The following KIF14 variants were observed in gnomAD, a reference collection of about 807,000 sequenced individuals.
KIF14 encodes kinesin-like protein KIF14.
A neutral mutation model predicts 176.2 loss-of-function variants in KIF14; 98 were observed. The observed-to-expected ratio is 0.56, with a 90% CI of 0.47 to 0.66. The LOEUF (loss-of-function observed/expected upper bound fraction) is 0.66. KIF14 is among the 30% of genes least tolerant of loss of function. The probability of loss-of-function intolerance (pLI) is 0.00; values close to 1 mark genes in which losing one functional copy is unlikely to be tolerated. For synonymous variants in KIF14, 566 were observed against 632.2 expected (o/e 0.90, Z 1.57); for missense variants, 1,751 against 1,920.4 (o/e 0.91, Z 1.65).
At chr1:200,564,091 A>T (rs1379392787) in intron 25 of KIF14, among the ~76,000 whole-genome samples, 1 of 151,820 alleles carries the variant, frequency 6.6e-6, no homozygotes, top group Non-Finnish European at 1.5e-5. Flanking sequence ...GTGAAACCCC[A>T]TCTCTACTAA....
rs755509747 is a variant in KIF14 at position 200,617,818 on chromosome 1, TG to T, written c.905del (p.Ser302Ter). The T allele has an allele frequency of 4.3e-6, 7 of 1,614,200 alleles. No homozygotes were observed. Among genetic ancestry groups the T allele is most frequent in the Non-Finnish European group, 5.9e-6 (7 of 1,180,010 alleles). On this transcript the variant is annotated frameshift_variant, in exon 2 of 30. Coordinates refer to ENST00000367350, the MANE Select transcript of KIF14 (RefSeq NM_014875.3). LOFTEE classifies it high-confidence loss of function. The part of the protein sequence containing the change: ...SLPQLKSPAP[S>X]ILKNRMSNLQ... ...GGTTAGACATTCTATTCTTCAGTAT[TG>T]ATGGAGCTGGGCTCTTAAGCTGAGG... is the stretch of plus-strand genomic sequence containing the variant.
chr1:200,605,697 A>C (rs941041605), intron 7 of KIF14, among the ~76,000 whole-genome samples, 167 bp downstream of exon 7: 1 of 152,196 alleles, frequency 6.6e-6, no homozygotes, highest in East Asian at 1.9e-4. Context: ...CAACATTTTT[A>C]ATAAAGAAGA....
intron 4 of KIF14, among the ~76,000 whole-genome samples, chr1:200,610,316 C>A (rs186269216): frequency 6.6e-6 from 1 of 151,928 alleles, no homozygotes; most frequent in Admixed American, 6.6e-5. Flanking sequence ...CTGGCTAACA[C>A]GGTGAAACTA....
At position 200,617,853 on chromosome 1, in the gene KIF14, A is replaced by G. The variant is rs1050980109; in HGVS notation, c.871T>C (p.Cys291Arg). 2 of 1,614,068 alleles carry G rather than the reference A, an allele frequency of 1.2e-6. No individual in the cohort carries two copies. Among genetic ancestry groups the G allele is most frequent in the East Asian group, 4.5e-5 (2 of 44,898 alleles). Residue 291 changes from cysteine (C) to arginine (R), a missense_variant, in exon 2 of 30, where the codon TGC becomes CGC. By Grantham distance (180) the Cys-to-Arg change is radical (BLOSUM62 -3). Coordinates refer to ENST00000367350, the MANE Select transcript of KIF14 (RefSeq NM_014875.3). ...GGGCTCTTAAGCTGAGGCAGGCTGC[A>G]CTTTGTTGTCAGTTTGTGTTCTGTT... ...CTTEHKLTTK[C>R]SLPQLKSPAP...
intron 14 of KIF14, among the ~76,000 whole-genome samples, chr1:200,594,484 A>C (rs1659230916): frequency 6.6e-6 from 1 of 152,034 alleles, no homozygotes; most frequent in South Asian, 2.1e-4. Context: ...CTGGTTTTAC[A>C]TATGAGCTTT....
chr1:200,568,373 C>A (rs1254281344), intron 23 of KIF14, among the ~76,000 whole-genome samples: 2 of 152,280 alleles, frequency 1.3e-5, no homozygotes, highest in South Asian at 4.1e-4. Flanking sequence ...ATATTTTAAT[C>A]TACCTTAGAT....
At chr1:200,568,532 T>C (rs1031895261) in intron 23 of KIF14, among the ~76,000 whole-genome samples, 4 of 152,216 alleles carry the variant, frequency 2.6e-5, no homozygotes, top group African/African-American at 4.8e-5. Context: ...ATTTTAAAAT[T>C]TTTGTTTACT....
chr1:200,593,339 T>C (rs1659148150), intron 15 of KIF14, among the ~76,000 whole-genome samples: 1 of 152,196 alleles, frequency 6.6e-6, no homozygotes, highest in Non-Finnish European at 1.5e-5. Context: ...GTGACATTGT[T>C]TAATCATCTA....
At chr1:200,619,021 T>G (rs1331812397) in intron 1 of KIF14, among the ~76,000 whole-genome samples, 183 bp from the exon 2 acceptor site, 1 of 152,234 alleles carries the variant, frequency 6.6e-6, no homozygotes, top group Non-Finnish European at 1.5e-5. Context: ...ACCATCATTA[T>G]TCAACAAATA....
rs747844812 is a variant in KIF14, at chr1:200,600,547, A to G, written c.2153-44T>C. 6 of 1,390,434 alleles carry G rather than the reference A, an allele frequency of 4.3e-6. No homozygotes were observed. The East Asian group carries it at 7.1e-5, about 16-fold the overall frequency. 86.1% of individuals were successfully genotyped at this position (1,390,434 alleles called of 1,614,324 possible). A position where few individuals can be genotyped will look rare whatever the true frequency, so the allele number is the denominator to read the frequency against. ...ATGCATTAATAATAACATTTAATAT[A>G]TAACAATTTCCACAGTAAGCATAAT... On this transcript the variant is annotated intron_variant, in intron 11 of 29. Transcript: ENST00000367350.
rs184136601 is a variant in KIF14 at position 200,590,481 on chromosome 1, C to T, written c.2814-209G>A. ...TTTAAACACGCAGGACGAAAAATTG[C>T]TTATTTCTAACTTAGTTACTATTGC... On this transcript the variant is annotated intron_variant, in intron 16 of 29. Coordinates refer to ENST00000367350, the MANE Select transcript of KIF14 (RefSeq NM_014875.3). Among the ~76,000 whole-genome samples, 434 of 152,214 alleles carry T rather than the reference C, an allele frequency of 2.9e-3. 1 individual carries two copies. Among genetic ancestry groups the T allele is most frequent in the Non-Finnish European group, 4.6e-3 (311 of 68,006 alleles).
At chr1:200,572,425 A>G (rs1657846403) in intron 22 of KIF14, among the ~76,000 whole-genome samples, 2 of 152,138 alleles carry the variant, frequency 1.3e-5, no homozygotes, top group African/African-American at 4.8e-5. Flanking sequence ...GCTCACTGCA[A>G]GCTCTGCCTC....
rs769145226 is a variant in KIF14, at chr1:200,617,875, T to C, written c.849A>G (p.Thr283=). The stretch of plus-strand genomic sequence containing the variant: ...TGCACTTTGTTGTCAGTTTGTGTTC[T>C]GTTGTACATTTTGTAGGTGTTCTTT... The part of the protein sequence containing the change: ...LEKRTPTKCT[T]EHKLTTKCSL... The change falls in exon 2 of 30, where the codon ACA becomes ACG. Residue 283 remains threonine, a synonymous_variant. Coordinates refer to ENST00000367350, the MANE Select transcript of KIF14 (RefSeq NM_014875.3). The C allele has an allele frequency of 6.2e-7, 1 of 1,614,216 alleles. No homozygotes were observed. The highest frequency in any genetic ancestry group is 1.7e-5 in the Admixed American group (1 of 60,034).
intron 21 of KIF14, among the ~76,000 whole-genome samples, chr1:200,579,697 G>A (rs1476698543): frequency 6.6e-6 from 1 of 152,034 alleles, no homozygotes; most frequent in Non-Finnish European, 1.5e-5. Flanking sequence ...TTGTCGGTGA[G>A]CATCAAAGTG....
chr1:200,605,945 C>T (rs761330281), intron 6 of KIF14, 51 bp from the exon 7 acceptor site: 1 of 1,036,794 alleles, frequency 9.6e-7, no homozygotes, highest in Non-Finnish European at 1.4e-6. Context: ...TGATTATACT[C>T]TTGTTCTCAT....
intron 14 of KIF14, among the ~76,000 whole-genome samples, chr1:200,594,097 A>G (rs971305091): frequency 4.6e-5 from 7 of 151,692 alleles, no homozygotes; most frequent in African/African-American, 1.5e-4. Flanking sequence ...TGCCCTGCCC[A>G]GCTAATGTTT....
At chr1:200,563,533 G>A (rs1260001521) in intron 25 of KIF14, among the ~76,000 whole-genome samples, 1 of 151,746 alleles carries the variant, frequency 6.6e-6, no homozygotes, top group Non-Finnish European at 1.5e-5. Context: ...AAATCAGCTG[G>A]CTGATTTTTT....
In KIF14 at chr1:200,603,273, T is replaced by G. The variant is rs1571549112; in HGVS notation, c.1932A>C (p.Ala644=). ...AAGGAATAAAAACACTCCTTTGGTT[T>G]GCTTGTTCCGAAAGTGCAGATATAA... ...GKVISALSEQ[A]NQRSVFIPYR... is the part of the protein sequence containing the mutation. Residue 644 remains alanine (A), a synonymous_variant, in exon 10 of 30, where the codon GCA becomes GCC. Transcript: ENST00000367350. 6.2e-7 allele frequency: 1 copy of G among 1,610,126 alleles called. No homozygotes were observed. Among genetic ancestry groups the G allele is most frequent in the Non-Finnish European group, 8.5e-7 (1 of 1,177,222 alleles).
At position 200,583,177 on chromosome 1, in the gene KIF14, G is replaced by A. The variant is rs571181018; in HGVS notation, c.3242-1883C>T. Reference sequence around the variant, plus strand: ...GACTTAAAAGGCACATCTACCAAACGCAATGTGTAGATGATGTTGGTATCC... The same window carrying A: ...GACTTAAAAGGCACATCTACCAAACACAATGTGTAGATGATGTTGGTATCC... On this transcript the variant is annotated intron_variant, in intron 19 of 29. Coordinates refer to ENST00000367350, the MANE Select transcript of KIF14 (RefSeq NM_014875.3). Among the ~76,000 whole-genome samples the A allele has an allele frequency of 7.2e-5, 11 of 151,976 alleles. No individual in the cohort carries two copies. In the South Asian group the frequency reaches 2.3e-3, roughly 32 times the overall value.
Sources: allele counts gnomAD v4.1 joint callset (sites outside exome capture counted in the v4.1 genomes callset), GRCh38; gene constraint gnomAD v4.1.1; transcripts MANE v1.5; gene names NCBI Gene and HGNC (gene_info 2026-07-23, HGNC 2026-07-21).